The following GRID1 variants were observed in gnomAD, a reference collection of about 807,000 sequenced individuals.
GRID1 encodes the protein glutamate receptor ionotropic, delta-1.
In GRID1, 28 loss-of-function variants were observed where a neutral mutation model predicts 98.0. That is an observed-to-expected ratio of 0.29 (90% CI 0.21 to 0.39). The LOEUF is 0.39. Among genes scored for constraint, GRID1 ranks in the 10% least tolerant of loss-of-function variants. The pLI, the probability that GRID1 is intolerant of heterozygous loss-of-function variation, is 1.00. For synonymous variants in GRID1, 553 were observed against 538.5 expected (o/e 1.03, Z -0.37); for missense variants, 1,111 against 1,340.5 (o/e 0.83, Z 2.67).
rs74710565 is a variant in GRID1 at position 85,859,080 on chromosome 10, G to A, written c.952-2890C>T. On this transcript the variant is annotated intron_variant, in intron 6 of 15. Coordinates refer to ENST00000327946, the MANE Select transcript of GRID1 (RefSeq NM_017551.3). ...AATGCTCTTTTCCAGGCATAGATAG[G>A]CAGGCCTTCCCAATGCCCACATATC... Among the ~76,000 whole-genome samples the A allele has an allele frequency of 6.4e-3, 969 of 152,260 alleles. 12 individuals carry two copies. Among genetic ancestry groups the A allele is most frequent in the Middle Eastern group, 0.014 (4 of 294 alleles).
intron 4 of GRID1, among the ~76,000 whole-genome samples, chr10:86,069,511 G>A (rs1666786165): frequency 6.6e-6 from 1 of 152,164 alleles, no homozygotes; most frequent in Non-Finnish European, 1.5e-5. Flanking sequence ...GGCACGGTGT[G>A]GTGGCGGGTG....
chr10:85,936,833 A>C (rs1455797510), intron 4 of GRID1, among the ~76,000 whole-genome samples: 1 of 152,258 alleles, frequency 6.6e-6, no homozygotes, highest in Non-Finnish European at 1.5e-5. Flanking sequence ...AATGCCATTA[A>C]TACAATCTCT....
chr10:86,045,495 T>A (rs1352726294), intron 4 of GRID1, among the ~76,000 whole-genome samples: 1 of 152,054 alleles, frequency 6.6e-6, no homozygotes. Flanking sequence ...AACAGACGAG[T>A]CACGTCAGTC....
intron 4 of GRID1, among the ~76,000 whole-genome samples, chr10:86,130,200 A>ACCGTTTGTTACACTG (rs67602882): frequency 2.0e-5 from 3 of 152,026 alleles, no homozygotes; most frequent in African/African-American, 7.3e-5. Context: ...GAGTTTTAGG[A>ACCGTTTGTTACACTG]CACACAGCTA....
At chr10:85,920,681 G>C (rs192637771) in intron 4 of GRID1, among the ~76,000 whole-genome samples, 1 of 152,262 alleles carries the variant, frequency 6.6e-6, no homozygotes, top group East Asian at 1.9e-4. Flanking sequence ...TGTGGATCGA[G>C]CTGCATAATG....
intron 4 of GRID1, among the ~76,000 whole-genome samples, chr10:86,054,864 C>G (rs1486012266): frequency 2.0e-5 from 3 of 152,190 alleles, no homozygotes; most frequent in Non-Finnish European, 2.9e-5. Flanking sequence ...TACATTTCAT[C>G]CCTTGACTTT....
At chr10:85,623,669 A>G (rs1590164023) in intron 13 of GRID1, among the ~76,000 whole-genome samples, 5 of 150,340 alleles carry the variant, frequency 3.3e-5, no homozygotes, top group Admixed American at 3.3e-4. Context: ...CTCCAATCCC[A>G]CTCCTAGGTT....
At chr10:86,092,071 G>T (rs568063878) in intron 4 of GRID1, among the ~76,000 whole-genome samples, 5 of 152,156 alleles carry the variant, frequency 3.3e-5, no homozygotes, top group African/African-American at 1.2e-4. Flanking sequence ...GACAAAACAA[G>T]GCTCTTCAAC....
chr10:85,786,656 G>C (rs1451358977), intron 8 of GRID1, among the ~76,000 whole-genome samples: 2 of 152,140 alleles, frequency 1.3e-5, no homozygotes, highest in South Asian at 2.1e-4. Flanking sequence ...TCCACATTTA[G>C]ATAAGCGGCA....
At chr10:85,745,793 T>C (rs1841991050) in intron 8 of GRID1, among the ~76,000 whole-genome samples, 1 of 150,940 alleles carries the variant, frequency 6.6e-6, no homozygotes, top group Admixed American at 6.6e-5. Flanking sequence ...TTAGAGACAA[T>C]GCAGAATAAG....
At chr10:86,041,775 A>G (rs1180583019) in intron 4 of GRID1, among the ~76,000 whole-genome samples, 1 of 152,184 alleles carries the variant, frequency 6.6e-6, no homozygotes, top group Admixed American at 6.5e-5. Flanking sequence ...TGTAAACCCC[A>G]AGATTATCAG....
intron 3 of GRID1, among the ~76,000 whole-genome samples, chr10:86,179,496 C>A (rs1254276316): frequency 2.0e-5 from 3 of 152,238 alleles, no homozygotes; most frequent in Non-Finnish European, 2.9e-5. Context: ...ATGGCTCAGA[C>A]AGTTCTACTT....
intron 2 of GRID1, among the ~76,000 whole-genome samples, chr10:86,234,210 A>G (rs1414161372): frequency 6.6e-6 from 1 of 152,094 alleles, no homozygotes; most frequent in African/African-American, 2.4e-5. Context: ...CCTTCCTCCA[A>G]TTTAAAATGG....
intron 8 of GRID1, among the ~76,000 whole-genome samples, chr10:85,822,672 G>C (rs961292838): frequency 3.3e-5 from 5 of 152,118 alleles, no homozygotes; most frequent in Non-Finnish European, 2.9e-5. Context: ...ATTTGACCCA[G>C]CCATCCCATT....
At chr10:86,327,794 T>C (rs779598522) in intron 2 of GRID1, among the ~76,000 whole-genome samples, 1 of 152,172 alleles carries the variant, frequency 6.6e-6, no homozygotes, top group African/African-American at 2.4e-5. Flanking sequence ...TGTGAAAAAG[T>C]GGGTGCTCTT....
intron 4 of GRID1, among the ~76,000 whole-genome samples, chr10:86,069,541 A>G (rs143187338): frequency 0.043 from 6,503 of 152,202 alleles, 165 homozygotes; most frequent in Middle Eastern, 0.068. Context: ...CCAGCTACTC[A>G]GGAGGCTGAG....
At chr10:85,957,018 G>A (rs1842203365) in intron 4 of GRID1, among the ~76,000 whole-genome samples, 2 of 152,300 alleles carry the variant, frequency 1.3e-5, no homozygotes, top group East Asian at 3.9e-4. Context: ...TCACATGGTG[G>A]CAGGAGAGAG....
In GRID1 at chr10:85,600,780, G is replaced by T. The variant is rs189407731; in HGVS notation, c.*1493C>A. On this transcript the variant is annotated 3_prime_UTR_variant, in exon 16 of 16. Coordinates refer to ENST00000327946, the MANE Select transcript of GRID1 (RefSeq NM_017551.3). ...TCAGAAAGGGCAACTGAAGGAGGGGGCGCTGTTAGGTGGTCCTAGGCTTAG... is the reference window on the plus strand; with the variant it reads ...TCAGAAAGGGCAACTGAAGGAGGGGTCGCTGTTAGGTGGTCCTAGGCTTAG... 3.3e-5 allele frequency: 5 copies of T among 152,396 alleles called. No individual in the cohort carries two copies. In the East Asian group the frequency reaches 9.6e-4, roughly 29 times the overall value. 9.4% of individuals were successfully genotyped at this position (152,396 alleles called of 1,614,324 possible). A position where few individuals can be genotyped will look rare whatever the true frequency, so the allele number is the denominator to read the frequency against.
chr10:86,065,254 G>A (rs1222278455), intron 4 of GRID1, among the ~76,000 whole-genome samples: 3 of 152,232 alleles, frequency 2.0e-5, no homozygotes, highest in Admixed American at 2.0e-4. Context: ...TCCCAGGTCT[G>A]TCCTAGATCT....
Sources: allele counts gnomAD v4.1 joint callset (sites outside exome capture counted in the v4.1 genomes callset), GRCh38; gene constraint gnomAD v4.1.1; transcripts MANE v1.5; gene names NCBI Gene and HGNC (gene_info 2026-07-23, HGNC 2026-07-21).